Variants in CREB5 observed in about 807,000 individuals in gnomAD.
CREB5 encodes cAMP responsive element binding protein 5.
CREB5 carries 19 observed loss-of-function variants against 57.1 expected under a neutral mutation model. That is an observed-to-expected ratio of 0.33 (90% CI 0.23 to 0.49). The LOEUF (loss-of-function observed/expected upper bound fraction) is 0.49. CREB5 is among the 20% of genes least tolerant of loss of function. CREB5 has a pLI of 0.99. For missense variants in CREB5, 579 were observed against 671.6 expected, an observed-to-expected ratio of 0.86 and a Z score of 1.52; for synonymous variants, 238 against 238.3, an observed-to-expected ratio of 1.00 and a Z score of 0.01.
At chr7:28,788,045 G>A (rs1204410790) in intron 7 of CREB5, among the ~76,000 whole-genome samples, 2 of 152,174 alleles carry the variant, frequency 1.3e-5, no homozygotes, top group Non-Finnish European at 2.9e-5. Flanking sequence ...AATAAAATAA[G>A]TAACATTGAT....
intron 1 of CREB5, among the ~76,000 whole-genome samples, chr7:28,439,507 C>T (rs1255099897): frequency 1.3e-5 from 2 of 152,180 alleles, no homozygotes; most frequent in African/African-American, 4.8e-5. Flanking sequence ...ATGTACTAGG[C>T]ATTCATTTAA....
intron 1 of CREB5, among the ~76,000 whole-genome samples, chr7:28,333,740 G>A (rs1364756618): frequency 1.3e-5 from 2 of 152,062 alleles, no homozygotes; most frequent in African/African-American, 4.8e-5. Context: ...TCTTTTTTAT[G>A]GCTGAATAGT....
intron 7 of CREB5, among the ~76,000 whole-genome samples, chr7:28,738,959 A>G (rs1478494252): frequency 1.3e-5 from 2 of 152,242 alleles, no homozygotes; most frequent in Non-Finnish European, 2.9e-5. Context: ...CAGAGATACA[A>G]TGATAAATAA....
intron 1 of CREB5, among the ~76,000 whole-genome samples, chr7:28,485,382 C>T (rs1396225370): frequency 6.6e-6 from 1 of 152,060 alleles, no homozygotes; most frequent in Non-Finnish European, 1.5e-5. Context: ...ACAGTAGCAA[C>T]TAAAACTCTT....
intron 1 of CREB5, among the ~76,000 whole-genome samples, chr7:28,381,000 T>C (rs1471656508): frequency 6.6e-6 from 1 of 152,160 alleles, no homozygotes; most frequent in Non-Finnish European, 1.5e-5. Context: ...GGGATTAGTA[T>C]AAAACTAGGG....
rs546051937 is a variant in CREB5 at position 28,308,218 on chromosome 7, TA to T, written c.-25+8784del. Among the ~76,000 whole-genome samples the T allele has an allele frequency of 3.9e-3, 601 of 152,276 alleles. 4 individuals carry two copies. Among genetic ancestry groups the T allele is most frequent in the Non-Finnish European group, 6.1e-3 (413 of 68,012 alleles). On this transcript the variant is annotated intron_variant, in intron 1 of 9. Transcript: ENST00000396299. ...TAAGCAACTTAAATAAAATTGCCTTTAAAAAAATGGGACTGAAATATAAGAC... is the reference window on the plus strand; with the variant it reads ...TAAGCAACTTAAATAAAATTGCCTTTAAAAAATGGGACTGAAATATAAGAC...
chr7:28,519,574 A>G (rs986189546), intron 4 of CREB5, among the ~76,000 whole-genome samples: 17 of 152,196 alleles, frequency 1.1e-4, no homozygotes, highest in Non-Finnish European at 2.4e-4. Flanking sequence ...GCCCTCCCAT[A>G]GACTTCCTTG....
At chr7:28,340,196 C>G (rs528575987) in intron 1 of CREB5, among the ~76,000 whole-genome samples, 2 of 151,958 alleles carry the variant, frequency 1.3e-5, no homozygotes, top group African/African-American at 4.8e-5. Context: ...CTGCTTTTCT[C>G]AAGCAGAAGG....
intron 1 of CREB5, among the ~76,000 whole-genome samples, chr7:28,333,340 C>A (rs1785750948): frequency 6.6e-6 from 1 of 152,138 alleles, no homozygotes; most frequent in South Asian, 2.1e-4. Flanking sequence ...GTGTAATAAT[C>A]ATCTTGGGGT....
chr7:28,739,113 G>T (rs987744693), intron 7 of CREB5, among the ~76,000 whole-genome samples: 1 of 152,196 alleles, frequency 6.6e-6, no homozygotes, highest in Non-Finnish European at 1.5e-5. Context: ...TGGCTGGGAG[G>T]TGTCTAGAGT....
intron 8 of CREB5, among the ~76,000 whole-genome samples, chr7:28,808,125 C>A (rs1266951144): frequency 2.6e-5 from 4 of 152,230 alleles, no homozygotes; most frequent in African/African-American, 9.6e-5. Context: ...TGTGACAGGG[C>A]TCAGTGCTGC....
intron 5 of CREB5, among the ~76,000 whole-genome samples, chr7:28,631,271 T>G (rs748348402): frequency 2.6e-5 from 4 of 152,272 alleles, no homozygotes; most frequent in Non-Finnish European, 1.5e-5. Context: ...CACAGCTGTT[T>G]GTGAGTTGCC....
At chr7:28,362,494 T>C (rs1397956098) in intron 1 of CREB5, among the ~76,000 whole-genome samples, 1 of 152,220 alleles carries the variant, frequency 6.6e-6, no homozygotes, top group Non-Finnish European at 1.5e-5. Flanking sequence ...TATAAATATA[T>C]ACCTGTGAAA....
chr7:28,438,517 G>A, intron 1 of CREB5, among the ~76,000 whole-genome samples: 1 of 151,912 alleles, frequency 6.6e-6, no homozygotes, highest in East Asian at 1.9e-4. Flanking sequence ...TTAAATTAAT[G>A]GCATTCATAA....
chr7:28,727,492 C>T (rs1021681053), intron 7 of CREB5, among the ~76,000 whole-genome samples: 4 of 152,074 alleles, frequency 2.6e-5, no homozygotes, highest in Non-Finnish European at 4.4e-5. Flanking sequence ...CAAACCATCC[C>T]GGGACACATT....
chr7:28,604,974 A>T (rs1319085876), intron 5 of CREB5, among the ~76,000 whole-genome samples: 1 of 152,172 alleles, frequency 6.6e-6, no homozygotes, highest in Non-Finnish European at 1.5e-5. Flanking sequence ...AGCTTGATGG[A>T]AACTAGAACC....
At chr7:28,628,500 A>AG (rs1798085270) in intron 5 of CREB5, among the ~76,000 whole-genome samples, 1 of 152,164 alleles carries the variant, frequency 6.6e-6, no homozygotes, top group Non-Finnish European at 1.5e-5. Context: ...TCTGGAGCCC[A>AG]GGGGACAAGA....
intron 5 of CREB5, among the ~76,000 whole-genome samples, chr7:28,701,369 A>G (rs780685001): frequency 6.6e-6 from 1 of 152,196 alleles, no homozygotes; most frequent in Non-Finnish European, 1.5e-5. Context: ...TAAATGGGCC[A>G]ACTTTGAAAT....
At chr7:28,753,319 G>A (rs1432223764) in intron 7 of CREB5, among the ~76,000 whole-genome samples, 1 of 152,034 alleles carries the variant, frequency 6.6e-6, no homozygotes, top group Admixed American at 6.6e-5. Flanking sequence ...ATACTATGTA[G>A]AAAAAATAGA....
Sources: gnomAD v4.1 joint callset for allele counts (sites outside exome capture counted in the v4.1 genomes callset) on GRCh38, gnomAD v4.1.1 for gene constraint, MANE v1.5 for transcripts, NCBI Gene and HGNC (gene_info 2026-07-23, HGNC 2026-07-21) for gene names.